SCRIB: variants seen among roughly 807,000 people sequenced by gnomAD.
SCRIB encodes protein scribble homolog.
Under a neutral mutation model 170.0 loss-of-function variants are expected in SCRIB, and 72 were observed. The ratio of observed to expected loss-of-function variants is 0.42; its 90% CI spans 0.35 to 0.52. The LOEUF is 0.52. Among genes scored for constraint, SCRIB ranks in the 20% least tolerant of loss-of-function variants. The pLI is 0.02. For synonymous variants in SCRIB, 1,298 were observed against 1,044.3 expected, an observed-to-expected ratio of 1.24 and a Z score of -4.68; for missense variants, 2,475 against 2,338.5, an observed-to-expected ratio of 1.06 and a Z score of -1.20.
At chr8:143,794,453 G>A (rs553858668) in intron 27 of SCRIB, among the ~76,000 whole-genome samples, 218 of 152,274 alleles carry the variant, frequency 1.4e-3, no homozygotes, top group African/African-American at 5.0e-3. Context: ...AAGAGCCCCC[G>A]AATGCGCTGC....
intron 21 of SCRIB, 58 bp from the exon 22 acceptor site, chr8:143,804,214 G>T: frequency 7.6e-7 from 1 of 1,323,912 alleles, no homozygotes; most frequent in Non-Finnish European, 1.0e-6. Flanking sequence ...AAGGGTGTGG[G>T]AGGGCTCCCA....
Position 143,815,415 on chromosome 8 carries a change from G to T in SCRIB, c.-43C>A, listed in dbSNP as rs1040735970. The T allele has an allele frequency of 2.8e-5, 35 of 1,251,404 alleles. No homozygotes were observed. In the African/African-American group the frequency reaches 5.5e-4, roughly 20 times the overall value. The allele number at this position is 1,251,404 out of a possible 1,614,324, so 77.5% of individuals were successfully genotyped here. A position where few individuals can be genotyped will look rare whatever the true frequency, so the allele number is the denominator to read the frequency against. On this transcript the variant is annotated 5_prime_UTR_variant, in exon 1 of 37. Transcript: ENST00000356994. ...CGGGCTCCGGCGGCGGCGCTCGGCG[G>T]GCTCGGGGCCGGGGGGCGGGGCTCA...
intron 25 of SCRIB, 41 bp from the exon 26 acceptor site, chr8:143,795,374 C>G: frequency 6.2e-7 from 1 of 1,612,652 alleles, no homozygotes; most frequent in Non-Finnish European, 8.5e-7. Flanking sequence ...CACCACCGGC[C>G]TCGGGCTCCC....
chr8:143,807,034 G>A (rs781804221), intron 16 of SCRIB, 21 bp from the exon 17 acceptor site: 3 of 1,573,460 alleles, frequency 1.9e-6, no homozygotes, highest in Non-Finnish European at 2.6e-6. Flanking sequence ...AACAGACAGG[G>A]TGTCTAGAAG....
At position 143,810,612 on chromosome 8, in the gene SCRIB, AG is replaced by A. The variant is rs1815665504; in HGVS notation, c.1405-9del. On this transcript the variant is annotated splice_polypyrimidine_tract_variant and intron_variant, in intron 12 of 36. Transcript: ENST00000356994. ...GGCCCGGCGCTGTAGGCCCTGTTGT[AG>A]GGACAAGGATGAGCAGCAGCCACAG... is the stretch of plus-strand genomic sequence containing the variant. 1 of 1,610,894 alleles carries A rather than the reference AG, an allele frequency of 6.2e-7. No homozygotes were observed. Among genetic ancestry groups the A allele is most frequent in the African/African-American group, 1.3e-5 (1 of 74,862 alleles).
intron 21 of SCRIB, 67 bp downstream of exon 21, chr8:143,804,501 G>C: frequency 2.8e-6 from 4 of 1,447,544 alleles, no homozygotes; most frequent in African/African-American, 1.4e-5. Context: ...TAAGAGAGCA[G>C]GTCCTGGGAA....
intron 28 of SCRIB, 102 bp downstream of exon 28, chr8:143,793,798 G>A: frequency 6.7e-6 from 8 of 1,190,076 alleles, no homozygotes; most frequent in African/African-American, 3.0e-5. Context: ...CCCCACGATG[G>A]CCCCTGACCC....
chr8:143,805,494 G>A, intron 18 of SCRIB, 59 bp from the exon 19 acceptor site: 5 of 1,410,114 alleles, frequency 3.5e-6, no homozygotes, highest in Non-Finnish European at 4.6e-6. Context: ...ACAGCCACGT[G>A]CTGGGGGCTC....
chr8:143,812,520 T>C (rs1267398754), intron 8 of SCRIB, 136 bp from the exon 9 acceptor site: 4 of 635,692 alleles, frequency 6.3e-6, no homozygotes, highest in Non-Finnish European at 1.0e-5. Context: ...GGGAGGACCC[T>C]ACCTACCTTG....
chr8:143,795,616 G>A (rs1459627935), intron 24 of SCRIB, 86 bp from the exon 25 acceptor site: 2 of 1,150,124 alleles, frequency 1.7e-6, no homozygotes, highest in Non-Finnish European at 2.6e-6. Context: ...GCCCAGAATA[G>A]TCAGCAACGG....
Position 143,809,200 on chromosome 8 carries a change from C to T in SCRIB, c.1699-175G>A, listed in dbSNP as rs546948699. Among the ~76,000 whole-genome samples, 1,060 of 152,266 alleles carry T rather than the reference C, an allele frequency of 7.0e-3. 8 individuals are homozygous for T. Among genetic ancestry groups the T allele is most frequent in the Non-Finnish European group, 0.011 (719 of 68,008 alleles). On this transcript the variant is annotated intron_variant, in intron 14 of 36. Transcript: ENST00000356994. ...CTCAGCCCTGAGAAAAGCTGAAGGC[C>T]AGGGGCTCATCCTGGAGACACGCAG...
intron 28 of SCRIB, 70 bp downstream of exon 28, chr8:143,793,830 C>T: frequency 6.0e-6 from 9 of 1,499,138 alleles, no homozygotes; most frequent in East Asian, 2.3e-5. Context: ...AGGAGGGGCC[C>T]TGTGCACAGC....
rs1554632769 is a variant in SCRIB at position 143,791,832 on chromosome 8, C to CT, written c.4695+43_4695+44insA. ...GTGGGGGCAGGCCAGACCCCACCCCCATGCCTCGGGGGTGAAGGGAAGGCA... is the reference window on the plus strand; with the variant it reads ...GTGGGGGCAGGCCAGACCCCACCCCCTATGCCTCGGGGGTGAAGGGAAGGCA... On this transcript the variant is annotated intron_variant, in intron 34 of 36. Transcript: ENST00000356994. 2.6e-6 allele frequency: 4 copies of CT among 1,526,928 alleles called. No homozygotes were observed. In the East Asian group the frequency reaches 9.5e-5, roughly 36 times the overall value. 94.6% of individuals were successfully genotyped at this position (1,526,928 alleles called of 1,614,324 possible).
In SCRIB at chr8:143,803,807, A is replaced by G. The variant is rs1451425472; in HGVS notation, c.3254T>C (p.Leu1085Pro). 3.1e-6 allele frequency: 5 copies of G among 1,604,284 alleles called. No homozygotes were observed. Among genetic ancestry groups the G allele is most frequent in the Non-Finnish European group, 4.2e-6 (5 of 1,179,358 alleles). The change falls in exon 23 of 37, where the codon CTG becomes CCG. Residue 1085 changes from leucine (L) to proline (P), a missense_variant. Around this residue, in one of 3 missense-constraint regions of SCRIB, gnomAD observed 1,966 missense variants for 1,742.9 expected, o/e 1.13. Coordinates refer to ENST00000356994, the MANE Select transcript of SCRIB (RefSeq NM_182706.5). ...CGGGTCCCTCCGCACCAGCAGCGAC[A>G]GCTCCAGGCAGGGCCGGAGCAGGGC... ...VSALLRPCLE[L>P]SLLVRRDPAP...
chr8:143,806,187 G>A (rs925036888), intron 18 of SCRIB, among the ~76,000 whole-genome samples: 3 of 152,214 alleles, frequency 2.0e-5, no homozygotes, highest in Non-Finnish European at 2.9e-5. Context: ...TCAGGGCGCT[G>A]GATGGGAGCC....
chr8:143,813,430 G>A, intron 5 of SCRIB, 40 bp downstream of exon 5: 11 of 1,612,802 alleles, frequency 6.8e-6, no homozygotes, highest in Non-Finnish European at 9.3e-6. Context: ...CTGGGCTGTG[G>A]CCCTGCCCTG....
rs560873384 is a variant in SCRIB, at chr8:143,803,322, G to A, written c.3603+61C>T. The A allele has an allele frequency of 1.7e-5, 24 of 1,436,868 alleles. 1 individual carries two copies. The highest frequency in any genetic ancestry group is 1.3e-4 in the African/African-American group (9 of 70,634). The allele number at this position is 1,436,868 out of a possible 1,614,324, so 89.0% of individuals were successfully genotyped here. Reference sequence around the variant, plus strand: ...GTCGCCTGCCCCGAGAGGTGTCAGCGGCTCACAACACCTTGGGCTGGGCCA... The same window carrying A: ...GTCGCCTGCCCCGAGAGGTGTCAGCAGCTCACAACACCTTGGGCTGGGCCA... On this transcript the variant is annotated intron_variant, in intron 24 of 36. Transcript: ENST00000356994.
At position 143,815,498 on chromosome 8, in the gene SCRIB, A is replaced by G. The variant is rs1243518208; in HGVS notation, c.-126T>C. 18 of 993,686 alleles carry G rather than the reference A, an allele frequency of 1.8e-5. No homozygotes were observed. Among genetic ancestry groups the G allele is most frequent in the Non-Finnish European group, 2.0e-5 (17 of 836,996 alleles). 61.6% of individuals were successfully genotyped at this position (993,686 alleles called of 1,614,324 possible). A position where few individuals can be genotyped will look rare whatever the true frequency, so the allele number is the denominator to read the frequency against. ...GCAGGCAGGGGGCGGGCCGCCCGAG[A>G]CTGGACGGGGACGCGGCCGCGGCCG... On this transcript the variant is annotated 5_prime_UTR_variant, in exon 1 of 37. Transcript: ENST00000356994.
chr8:143,806,914 C>A lies in SCRIB; in HGVS notation c.2268+10G>T, dbSNP rs782329894. 2 of 1,595,990 alleles carry A rather than the reference C, an allele frequency of 1.3e-6. No individual in the cohort carries two copies. Among genetic ancestry groups the A allele is most frequent in the Admixed American group, 1.7e-5 (1 of 59,210 alleles). Reference sequence around the variant, plus strand: ...GTGGCAGCGGAAAGGCCCTCCTAGGCAGTGCTCACCTCGTCGTCCCCCTTA... The same window carrying A: ...GTGGCAGCGGAAAGGCCCTCCTAGGAAGTGCTCACCTCGTCGTCCCCCTTA... On this transcript the variant is annotated intron_variant, in intron 17 of 36. Coordinates refer to ENST00000356994, the MANE Select transcript of SCRIB (RefSeq NM_182706.5).
Sources: allele counts gnomAD v4.1 joint callset (sites outside exome capture counted in the v4.1 genomes callset), GRCh38; gene constraint gnomAD v4.1.1; regional missense constraint gnomAD v4.1.1; transcripts MANE v1.5; gene names NCBI Gene and HGNC (gene_info 2026-07-23, HGNC 2026-07-21).